The following MSH4 variants were observed in gnomAD, a reference collection of about 807,000 sequenced individuals.
MSH4 encodes mutS homolog 4, also known as mutS protein homolog 4.
A neutral mutation model predicts 113.7 loss-of-function variants in MSH4; 106 were observed. That is an observed-to-expected ratio of 0.93 (90% CI 0.80 to 1.10). The LOEUF is 1.10. MSH4 is among the 50% of genes least tolerant of loss of function. The pLI is 0.00. For synonymous variants in MSH4, 368 were observed against 380.2 expected (o/e 0.97, Z 0.37); for missense variants, 1,061 against 1,093.7 (o/e 0.97, Z 0.42).
At chr1:75,887,262 G>C (rs920614858) in intron 15 of MSH4, among the ~76,000 whole-genome samples, 1 of 152,078 alleles carries the variant, frequency 6.6e-6, no homozygotes, top group African/African-American at 2.4e-5. Context: ...GTGTTTGGCA[G>C]TTCCCACCTT....
At chr1:75,879,559 A>G (rs1258772275) in intron 12 of MSH4, among the ~76,000 whole-genome samples, 1 of 152,174 alleles carries the variant, frequency 6.6e-6, no homozygotes, top group Non-Finnish European at 1.5e-5. Flanking sequence ...CCAGTTTGGG[A>G]AAGTCTAACC....
At chr1:75,799,868 T>C (rs1333666874) in intron 1 of MSH4, among the ~76,000 whole-genome samples, 1 of 152,180 alleles carries the variant, frequency 6.6e-6, no homozygotes, top group East Asian at 1.9e-4. Context: ...TGATGAGCTC[T>C]GTTATGGACA....
chr1:75,834,855 T>C (rs1484022831), intron 7 of MSH4, among the ~76,000 whole-genome samples: 1 of 152,138 alleles, frequency 6.6e-6, no homozygotes, highest in Non-Finnish European at 1.5e-5. Context: ...CACACCAACA[T>C]GGCACATGTA....
intron 19 of MSH4, among the ~76,000 whole-genome samples, chr1:75,908,958 C>G (rs1043124822): frequency 6.6e-6 from 1 of 152,198 alleles, no homozygotes; most frequent in Non-Finnish European, 1.5e-5. Context: ...TCTGCTTCCT[C>G]TAGCATGGTG....
chr1:75,908,087 G>A (rs546664208), intron 19 of MSH4, among the ~76,000 whole-genome samples: 3 of 147,978 alleles, frequency 2.0e-5, no homozygotes, highest in Non-Finnish European at 4.5e-5. Context: ...TTCAACAAAT[G>A]TATTTCTCAG....
intron 16 of MSH4, among the ~76,000 whole-genome samples, chr1:75,889,871 G>C (rs572068428): frequency 3.3e-5 from 5 of 152,014 alleles, no homozygotes; most frequent in African/African-American, 1.2e-4. Flanking sequence ...TGGGATATCT[G>C]TATTATGAAT....
At position 75,822,160 on chromosome 1, in the gene MSH4, G is replaced by A. The variant is rs571653831; in HGVS notation, c.990-249G>A. On this transcript the variant is annotated intron_variant, in intron 6 of 19. Coordinates refer to ENST00000263187, the MANE Select transcript of MSH4 (RefSeq NM_002440.4). ...AAAAATTAGCTGGGCGTGGTGGCGG[G>A]CGCCTGTAGTCCCAGCTACTCAGGA... Among the ~76,000 whole-genome samples, 3 of 152,048 alleles carry A rather than the reference G, an allele frequency of 2.0e-5. No individual in the cohort carries two copies. The South Asian group carries it at 6.2e-4, about 32-fold the overall frequency.
At chr1:75,910,783 A>G (rs926012546) in intron 19 of MSH4, among the ~76,000 whole-genome samples, 1 of 152,088 alleles carries the variant, frequency 6.6e-6, no homozygotes. Flanking sequence ...AGTTAAATTT[A>G]TCATCTTCTA....
chr1:75,850,711 T>C (rs1651167404), intron 8 of MSH4, among the ~76,000 whole-genome samples: 1 of 152,112 alleles, frequency 6.6e-6, no homozygotes, highest in Admixed American at 6.5e-5. Context: ...CCTTATGGTG[T>C]TTTACGTTTT....
intron 19 of MSH4, among the ~76,000 whole-genome samples, chr1:75,906,140 G>A (rs1444753282): frequency 2.6e-5 from 4 of 151,566 alleles, no homozygotes; most frequent in East Asian, 3.9e-4. Flanking sequence ...ACAGGCACCC[G>A]CCTGTACACC....
At chr1:75,829,429 A>G (rs1304380116) in intron 7 of MSH4, among the ~76,000 whole-genome samples, 1 of 152,212 alleles carries the variant, frequency 6.6e-6, no homozygotes, top group Non-Finnish European at 1.5e-5. Flanking sequence ...ACAGCTTTGA[A>G]GAGACTGGTG....
Position 75,796,965 on chromosome 1 carries a change from G to C in MSH4, c.-21G>C. 6.2e-7 allele frequency: 1 copy of C among 1,613,384 alleles called. No homozygotes were observed. The highest frequency in any genetic ancestry group is 2.2e-5 in the East Asian group (1 of 44,862). On this transcript the variant is annotated 5_prime_UTR_variant, in exon 1 of 20. Coordinates refer to ENST00000263187, the MANE Select transcript of MSH4 (RefSeq NM_002440.4). ...TCGCTCAGAAACCTCATACTTCTCG[G>C]GTCAGGGAAGGTTTGGGAGGATGCT...
intron 1 of MSH4, among the ~76,000 whole-genome samples, chr1:75,802,236 A>G (rs1314003752): frequency 1.3e-5 from 2 of 152,178 alleles, no homozygotes; most frequent in Non-Finnish European, 2.9e-5. Flanking sequence ...CGTTACAGCT[A>G]TATACGAAGG....
Position 75,897,910 on chromosome 1 carries a change from T to C in MSH4, c.2359T>C (p.Phe787Leu). ...VCEYLLSLKA[F>L]TLFATHFLEL... ...CATTGTCTGTTATATATTCCAGGCA[T>C]TTACACTGTTTGCTACACATTTCCT... The change falls in exon 18 of 20, where the codon TTT (phenylalanine) becomes CTT (leucine). Residue 787 changes from phenylalanine to leucine, a missense_variant. Physicochemically the swap from Phe to Leu is conservative, Grantham distance 22 (BLOSUM62 0). Transcript: ENST00000263187. 6.5e-7 allele frequency: 1 copy of C among 1,539,644 alleles called. No homozygotes were observed. The highest frequency in any genetic ancestry group is 8.7e-7 in the Non-Finnish European group (1 of 1,143,662).
At chr1:75,866,197 G>A (rs1358797559) in intron 8 of MSH4, among the ~76,000 whole-genome samples, 3 of 151,932 alleles carry the variant, frequency 2.0e-5, no homozygotes, top group African/African-American at 7.3e-5. Context: ...TTTGAGACAG[G>A]GTTTCACTTT....
intron 8 of MSH4, among the ~76,000 whole-genome samples, chr1:75,853,656 A>G (rs1439214441): frequency 1.3e-5 from 2 of 151,440 alleles, no homozygotes; most frequent in Non-Finnish European, 2.9e-5. Flanking sequence ...TTTAATCCAT[A>G]TGGACTGATG....
chr1:75,816,008 A>AAAAT (rs1364579231), intron 5 of MSH4, among the ~76,000 whole-genome samples: 5 of 152,104 alleles, frequency 3.3e-5, no homozygotes, highest in South Asian at 2.1e-4. Context: ...ACCCTGTCTC[A>AAAAT]AAATAAATAA....
chr1:75,911,892 T>TA (rs1473104340), intron 19 of MSH4, among the ~76,000 whole-genome samples: 1 of 152,010 alleles, frequency 6.6e-6, no homozygotes, highest in East Asian at 1.9e-4. Flanking sequence ...AGACTTTCCA[T>TA]AAAAAGTTAA....
rs1650173040 is a variant in MSH4 at position 75,810,733 on chromosome 1, A to G, written c.625A>G (p.Ile209Val). 3.2e-6 allele frequency: 5 copies of G among 1,579,888 alleles called. No homozygotes were observed. The highest frequency in any genetic ancestry group is 4.3e-6 in the Non-Finnish European group (5 of 1,166,648). Reference protein sequence around the residue: ...TKLKILSPLEIIMSNTACAVG... With the variant: ...TKLKILSPLEVIMSNTACAVG... ...ACTTAAAATTTTATCACCTTTGGAA[A>G]TAATAATGTCAAATACTGCTTGTGC... The change falls in exon 4 of 20, where the codon ATA becomes GTA. Residue 209 changes from isoleucine to valine, a missense_variant. By Grantham distance (29) the Ile-to-Val change is conservative. Transcript: ENST00000263187.
Sources: allele counts gnomAD v4.1 joint callset (sites outside exome capture counted in the v4.1 genomes callset), GRCh38; gene constraint gnomAD v4.1.1; transcripts MANE v1.5; gene names NCBI Gene and HGNC (gene_info 2026-07-23, HGNC 2026-07-21).